The following GRIP2 variants were observed in gnomAD, a reference collection of about 807,000 sequenced individuals.
GRIP2 encodes the protein glutamate receptor-interacting protein 2.
A neutral mutation model predicts 108.3 loss-of-function variants in GRIP2; 58 were observed. The observed-to-expected ratio is 0.54, with a 90% CI of 0.43 to 0.67. The LOEUF (loss-of-function observed/expected upper bound fraction) is 0.67. GRIP2 is among the 30% of genes least tolerant of loss of function. The pLI is 0.00. For synonymous variants in GRIP2, 586 were observed against 598.2 expected (o/e 0.98, Z 0.30); for missense variants, 1,278 against 1,430.6 (o/e 0.89, Z 1.72).
the GRIP2 span, among the ~76,000 whole-genome samples, chr3:14,562,588 G>A: frequency 1.3e-5 from 2 of 152,202 alleles, no homozygotes; most frequent in Non-Finnish European, 2.9e-5. Flanking sequence ...CCCTAATAAG[G>A]GAAAGGCATC....
In GRIP2 at chr3:14,540,313, G is replaced by A. The variant is rs538460379; in HGVS notation, c.-5C>T. 39 of 1,613,428 alleles carry A rather than the reference G, an allele frequency of 2.4e-5. No homozygotes were observed. Among genetic ancestry groups the A allele is most frequent in the South Asian group, 1.1e-4 (10 of 91,030 alleles). ...CCGGCTGAGCCCACACAGCATGTTC[G>A]CTATTGTCTCCCCTGCTGCCCACCA... On this transcript the variant is annotated 5_prime_UTR_variant, in exon 1 of 24. Transcript: ENST00000621039. The surrounding 1 kb of genome is among the most constrained non-coding windows in gnomAD (Gnocchi z 4.1).
At chr3:14,535,930 G>A (rs1377838695) in intron 1 of GRIP2, among the ~76,000 whole-genome samples, 2 of 152,226 alleles carry the variant, frequency 1.3e-5, no homozygotes, top group Admixed American at 6.5e-5. Flanking sequence ...CAGGCCAAGG[G>A]CTCGATGGAG....
Position 14,525,533 on chromosome 3 carries a change from T to C in GRIP2, c.161A>G (p.Lys54Arg), listed in dbSNP as rs756716787. The stretch of plus-strand genomic sequence containing the variant: ...AGTCAGGCCCAGCGTGCTGCCTTCT[T>C]TCTTGATCAGCTCCACCACAGTGAT... ...RGITVVELIK[K>R]EGSTLGLTIS... The change falls in exon 3 of 24, where the codon AAA (lysine) becomes AGA (arginine). Residue 54 changes from lysine (K) to arginine (R), a missense_variant. Lys to Arg is a conservative substitution (Grantham distance 26, BLOSUM62 2). Coordinates refer to ENST00000621039, the MANE Select transcript of GRIP2 (RefSeq NM_001080423.4). 6.2e-7 allele frequency: 1 copy of C among 1,613,802 alleles called. No individual in the cohort carries two copies. The highest frequency in any genetic ancestry group is 8.5e-7 in the Non-Finnish European group (1 of 1,179,848).
the GRIP2 span, among the ~76,000 whole-genome samples, chr3:14,592,551 G>A: frequency 7.5e-4 from 115 of 152,332 alleles, no homozygotes; most frequent in East Asian, 8.5e-3. Flanking sequence ...CTACCAGGAC[G>A]TGGACCCATG....
chr3:14,582,831 G>A, the GRIP2 span, among the ~76,000 whole-genome samples: 191 of 152,308 alleles, frequency 1.3e-3, 1 homozygote, highest in Middle Eastern at 3.4e-3. Flanking sequence ...GTTGACATGT[G>A]CTTGGCTGGC....
At chr3:14,598,200 G>A in the GRIP2 span, among the ~76,000 whole-genome samples, 62,448 of 151,478 alleles carry the variant, frequency 0.41, 13,090 homozygotes, top group African/African-American at 0.49. Context: ...GCATGACCTC[G>A]TGGACCATTT....
intron 1 of GRIP2, among the ~76,000 whole-genome samples, chr3:14,527,367 TGAAAGGAAAG>T (rs776162593): frequency 5.9e-5 from 8 of 135,784 alleles, no homozygotes; most frequent in East Asian, 2.2e-4. Flanking sequence ...TCTAATTACT[TGAAAGGAAAG>T]GAAAGGAAAG....
At chr3:14,556,856 T>G (rs1695244066), upstream of GRIP2, among the ~76,000 whole-genome samples, 1 of 152,236 alleles carries the variant, frequency 6.6e-6, no homozygotes, top group Non-Finnish European at 1.5e-5. Context: ...AGTGACTTGC[T>G]TATGGTCACA....
In GRIP2 at chr3:14,512,826, G is replaced by A. The variant is rs372141940; in HGVS notation, c.1671C>T (p.His557=). The change falls in exon 14 of 24, where the codon CAC becomes CAT. Residue 557 remains histidine (H), a synonymous_variant. Transcript: ENST00000621039. This position sits in a 1 kb window ranked among gnomAD's most constrained non-coding sequence, Gnocchi z 5.1. ...ESVIPSSGTF[H]VKLPKKRSVE... Reference sequence around the variant, plus strand: ...CGCTGCGCTTCTTGGGCAGCTTCACGTGGAAGGTGCCACTGCTTGGGATGA... The same window carrying A: ...CGCTGCGCTTCTTGGGCAGCTTCACATGGAAGGTGCCACTGCTTGGGATGA... 147 of 1,613,708 alleles carry A rather than the reference G, an allele frequency of 9.1e-5. No individual in the cohort carries two copies. In the East Asian group the frequency reaches 2.2e-3, roughly 24 times the overall value.
intron 1 of GRIP2, chr3:14,531,044 T>C (rs1031454323): frequency 2.0e-5 from 3 of 152,242 alleles, no homozygotes; most frequent in African/African-American, 4.8e-5. Flanking sequence ...GCTAATCTTC[T>C]CTGTATCATT....
chr3:14,581,188 TCTGA>T, the GRIP2 span, among the ~76,000 whole-genome samples: 1 of 152,248 alleles, frequency 6.6e-6, no homozygotes, highest in Admixed American at 6.5e-5. Flanking sequence ...TGTGGAGAAC[TCTGA>T]CTAATACACT....
At chr3:14,494,793 G>C in intron 23 of GRIP2, 50 bp downstream of exon 23, 6 of 1,575,632 alleles carry the variant, frequency 3.8e-6, no homozygotes, top group Non-Finnish European at 5.2e-6. Flanking sequence ...CCCACCCTCA[G>C]GCTAGGAAAC....
chr3:14,508,412 G>A (rs1376525238), intron 17 of GRIP2, among the ~76,000 whole-genome samples: 1 of 152,250 alleles, frequency 6.6e-6, no homozygotes, highest in Non-Finnish European at 1.5e-5. Flanking sequence ...AGCCAGGGCT[G>A]AGCAGGGGAG....
the GRIP2 span, among the ~76,000 whole-genome samples, chr3:14,576,731 A>G: frequency 6.6e-6 from 1 of 152,220 alleles, no homozygotes; most frequent in African/African-American, 2.4e-5. Context: ...CGCGGGCACT[A>G]TCTTCTCTTC....
upstream of GRIP2, among the ~76,000 whole-genome samples, chr3:14,543,862 C>G (rs928594448): frequency 2.6e-5 from 4 of 152,212 alleles, no homozygotes; most frequent in Non-Finnish European, 4.4e-5. Flanking sequence ...AAGACGGATT[C>G]CTGTGTGATC....
Position 14,493,484 on chromosome 3 carries a change from TC to T in GRIP2, c.*180del, listed in dbSNP as rs1701381461. 1.4e-6 allele frequency: 1 copy of T among 735,888 alleles called. No homozygotes were observed. Among genetic ancestry groups the T allele is most frequent in the African/African-American group, 1.8e-5 (1 of 55,402 alleles). The allele number at this position is 735,888 out of a possible 1,614,324, so 45.6% of individuals were successfully genotyped here. A position where few individuals can be genotyped will look rare whatever the true frequency, so the allele number is the denominator to read the frequency against. ...CTGTCACTCCAACTAGGGCAGGACCTCCCTGCCTGGCACCCCAGTCACCACA... is the reference window on the plus strand; with the variant it reads ...CTGTCACTCCAACTAGGGCAGGACCTCCTGCCTGGCACCCCAGTCACCACA... On this transcript the variant is annotated 3_prime_UTR_variant, in exon 24 of 24. Transcript: ENST00000621039.
chr3:14,582,509 T>G, the GRIP2 span, among the ~76,000 whole-genome samples: 49 of 152,166 alleles, frequency 3.2e-4, no homozygotes, highest in Non-Finnish European at 4.6e-4. Context: ...ATTCCTAGAT[T>G]ACAGGAAGGA....
In GRIP2 at chr3:14,511,964, G is replaced by T. The variant is rs1371689217; in HGVS notation, c.1721-485C>A. On this transcript the variant is annotated intron_variant, in intron 14 of 23. Transcript: ENST00000621039. This position sits in a 1 kb window ranked among gnomAD's most constrained non-coding sequence, Gnocchi z 4.1. ...TCCTGGAGCTGGCACTCCAGTGGTG[G>T]TCACAATCAACAACATTTAAACACC... 6.6e-6 allele frequency among the ~76,000 whole-genome samples: 1 copy of T among 152,206 alleles called. No individual in the cohort carries two copies. Among genetic ancestry groups the T allele is most frequent in the Non-Finnish European group, 1.5e-5 (1 of 68,044 alleles).
upstream of GRIP2, among the ~76,000 whole-genome samples, chr3:14,558,250 A>C (rs1348814157): frequency 6.6e-6 from 1 of 152,210 alleles, no homozygotes; most frequent in East Asian, 1.9e-4. Context: ...GGTCCTAGCC[A>C]CCAGACTAGG....
Sources: allele counts gnomAD v4.1 joint callset (sites outside exome capture counted in the v4.1 genomes callset), GRCh38; gene constraint gnomAD v4.1.1; non-coding constraint Gnocchi (gnomAD v3.1); transcripts MANE v1.5; gene names NCBI Gene and HGNC (gene_info 2026-07-23, HGNC 2026-07-21).